The following SBF2 variants were observed in gnomAD, a reference collection of about 807,000 sequenced individuals.
The protein encoded by SBF2 is SET binding factor 2, also known as myotubularin-related protein 13.
SBF2 carries 112 observed loss-of-function variants against 225.2 expected under a neutral mutation model. That is an observed-to-expected ratio of 0.50 (90% confidence interval 0.43 to 0.58). The LOEUF (loss-of-function observed/expected upper bound fraction) is 0.58. Among genes scored for constraint, SBF2 ranks in the 20% least tolerant of loss-of-function variants. SBF2 has a pLI of 0.00. For synonymous variants in SBF2, 763 were observed against 773.3 expected (o/e 0.99, Z 0.22); for missense variants, 1,996 against 2,206.2 (o/e 0.90, Z 1.91).
At chr11:10,194,316 T>G (rs976774989) in intron 1 of SBF2, among the ~76,000 whole-genome samples, 1 of 152,182 alleles carries the variant, frequency 6.6e-6, no homozygotes, top group Non-Finnish European at 1.5e-5. Flanking sequence ...CCATTTTCAT[T>G]GTATTAGGTA....
intron 1 of SBF2, among the ~76,000 whole-genome samples, chr11:10,277,577 A>G (rs1963059740): frequency 6.6e-6 from 1 of 152,226 alleles, no homozygotes; most frequent in Non-Finnish European, 1.5e-5. Context: ...CACGTCCATC[A>G]GAATCTCATA....
intron 2 of SBF2, among the ~76,000 whole-genome samples, chr11:10,113,800 A>T (rs200145892): frequency 0.042 from 4,292 of 101,110 alleles, 268 homozygotes; most frequent in East Asian, 0.28. Context: ...ATGCAGTTTA[A>T]AAAAAAAAAA....
intron 2 of SBF2, among the ~76,000 whole-genome samples, chr11:10,090,601 C>T (rs1411172150): frequency 6.6e-6 from 1 of 151,790 alleles, no homozygotes. Flanking sequence ...CTCATCTCTA[C>T]CAAAAATACA....
At chr11:9,902,458 T>C (rs1246474308) in intron 16 of SBF2, among the ~76,000 whole-genome samples, 5 of 152,226 alleles carry the variant, frequency 3.3e-5, no homozygotes, top group African/African-American at 9.6e-5. Flanking sequence ...CTTCCATGTA[T>C]TGATTTATGA....
At chr11:9,890,085 G>A (rs973232934) in intron 17 of SBF2, among the ~76,000 whole-genome samples, 1 of 152,074 alleles carries the variant, frequency 6.6e-6, no homozygotes, top group African/African-American at 2.4e-5. Flanking sequence ...TGTATTTTTA[G>A]TAGAGATGGA....
intron 2 of SBF2, among the ~76,000 whole-genome samples, chr11:10,093,160 G>T (rs554770148): frequency 1.3e-5 from 2 of 151,674 alleles, no homozygotes; most frequent in Non-Finnish European, 1.5e-5. Context: ...GAGACTGCAG[G>T]TGCATCCCAC....
upstream of SBF2, chr11:10,294,305 C>G (rs1213904677): frequency 8.6e-6 from 3 of 350,748 alleles, no homozygotes; most frequent in Non-Finnish European, 5.1e-6. Flanking sequence ...GCGAGCCCAC[C>G]TCCACCCTCC....
intron 2 of SBF2, among the ~76,000 whole-genome samples, chr11:10,182,962 A>G (rs1014346047): frequency 1.3e-5 from 2 of 151,786 alleles, no homozygotes; most frequent in African/African-American, 2.4e-5. Context: ...TAGTAGAGAC[A>G]GGGTTTCACC....
chr11:9,994,241 G>A (rs1420046816), intron 9 of SBF2, among the ~76,000 whole-genome samples: 9 of 151,418 alleles, frequency 5.9e-5, no homozygotes, highest in Non-Finnish European at 7.4e-5. Context: ...TTGGGAGGCT[G>A]AGGCAGGCAG....
At chr11:10,101,656 G>A (rs1030766139) in intron 2 of SBF2, among the ~76,000 whole-genome samples, 9 of 97,050 alleles carry the variant, frequency 9.3e-5, no homozygotes, top group African/African-American at 2.7e-4. Context: ...TCTCTCTCTC[G>A]CTCTGTGTGT....
chr11:10,133,660 C>T (rs1954206947), intron 2 of SBF2, among the ~76,000 whole-genome samples: 1 of 150,560 alleles, frequency 6.6e-6, no homozygotes, highest in South Asian at 2.1e-4. Context: ...GTGCCGCACA[C>T]AGCCCCGGTT....
intron 2 of SBF2, among the ~76,000 whole-genome samples, chr11:10,171,829 A>T (rs1956201164): frequency 6.6e-6 from 1 of 152,014 alleles, no homozygotes; most frequent in Admixed American, 6.5e-5. Flanking sequence ...GTTACTTGTT[A>T]TTGGTCTGTT....
chr11:10,070,875 C>T (rs1950839656), intron 2 of SBF2, among the ~76,000 whole-genome samples: 2 of 152,142 alleles, frequency 1.3e-5, no homozygotes, highest in Non-Finnish European at 2.9e-5. Context: ...AAGTCCTTCA[C>T]ATCCCTTGTA....
chr11:10,243,295 A>G (rs561119474), intron 1 of SBF2, among the ~76,000 whole-genome samples: 3 of 152,212 alleles, frequency 2.0e-5, no homozygotes, highest in South Asian at 2.1e-4. Flanking sequence ...ACAAAAATCT[A>G]TCTCAAAACT....
intron 16 of SBF2, among the ~76,000 whole-genome samples, chr11:9,917,047 CT>C (rs995583164): frequency 1.1e-4 from 16 of 147,032 alleles, no homozygotes; most frequent in Non-Finnish European, 2.3e-4. Context: ...CACATGTGTT[CT>C]TTTTTTTATT....
intron 2 of SBF2, among the ~76,000 whole-genome samples, chr11:10,043,788 G>C (rs922127396): frequency 6.6e-6 from 1 of 152,006 alleles, no homozygotes; most frequent in Admixed American, 6.6e-5. Context: ...TGTCCAGGCT[G>C]GTCTCGAACT....
chr11:9,873,184 C>T (rs544883271), intron 17 of SBF2, among the ~76,000 whole-genome samples: 41 of 111,186 alleles, frequency 3.7e-4, no homozygotes, highest in Non-Finnish European at 3.6e-4. Context: ...CCAGCTTGGG[C>T]GACAGAGTGA....
At chr11:10,070,347 G>A (rs1325619076) in intron 2 of SBF2, among the ~76,000 whole-genome samples, 1 of 152,170 alleles carries the variant, frequency 6.6e-6, no homozygotes, top group East Asian at 1.9e-4. Context: ...AAGATGTAAG[G>A]AAGGGATCCA....
intron 6 of SBF2, among the ~76,000 whole-genome samples, chr11:10,015,372 G>A (rs897482317): frequency 3.9e-5 from 6 of 152,038 alleles, no homozygotes; most frequent in Non-Finnish European, 8.8e-5. Context: ...CCACAAATTT[G>A]GTGGCTTAAA....
Sources: allele counts gnomAD v4.1 joint callset (sites outside exome capture counted in the v4.1 genomes callset), GRCh38; gene constraint gnomAD v4.1.1; transcripts MANE v1.5; gene names NCBI Gene and HGNC (gene_info 2026-07-23, HGNC 2026-07-21).